The following DOCK3 variants were observed in gnomAD, a reference collection of about 807,000 sequenced individuals.
The protein encoded by DOCK3 is dedicator of cytokinesis protein 3.
In DOCK3, 60 loss-of-function variants were observed where a neutral mutation model predicts 265.6. The observed-to-expected ratio is 0.23, with a 90% CI of 0.18 to 0.28. DOCK3 has a LOEUF of 0.28. DOCK3 is among the 10% of genes least tolerant of loss of function. The pLI, the probability that DOCK3 is intolerant of heterozygous loss-of-function variation, is 1.00. For missense variants in DOCK3, 1,981 were observed against 2,594.3 expected (o/e 0.76, Z 5.14); for synonymous variants, 881 against 938.0 (o/e 0.94, Z 1.11).
At chr3:51,003,688 A>G (rs757858518) in intron 5 of DOCK3, among the ~76,000 whole-genome samples, 1 of 152,198 alleles carries the variant, frequency 6.6e-6, no homozygotes, top group African/African-American at 2.4e-5. Context: ...TTGATACAAT[A>G]AGCTGGTACA....
chr3:50,863,213 G>T (rs916469100), intron 3 of DOCK3, among the ~76,000 whole-genome samples: 1 of 152,144 alleles, frequency 6.6e-6, no homozygotes, highest in African/African-American at 2.4e-5. Flanking sequence ...GGGTATATTT[G>T]CAGGGGATCT....
intron 3 of DOCK3, among the ~76,000 whole-genome samples, chr3:50,857,821 C>T (rs908469683): frequency 2.6e-5 from 4 of 152,206 alleles, no homozygotes; most frequent in Admixed American, 2.0e-4. Context: ...TGCTTTTACA[C>T]TGTTGGTGGG....
chr3:51,222,571 G>A (rs755694087), intron 14 of DOCK3, among the ~76,000 whole-genome samples: 1 of 152,082 alleles, frequency 6.6e-6, no homozygotes, highest in East Asian at 1.9e-4. Context: ...AACCATAATC[G>A]CATAATTGCA....
intron 6 of DOCK3, among the ~76,000 whole-genome samples, chr3:51,067,049 T>C (rs6781959): frequency 0.057 from 8,700 of 152,252 alleles, 884 homozygotes; most frequent in African/African-American, 0.2. Context: ...TTTTATGTTA[T>C]GAAATTATGT....
At chr3:51,372,770 T>C (rs2087790358) in intron 49 of DOCK3, among the ~76,000 whole-genome samples, 1 of 152,204 alleles carries the variant, frequency 6.6e-6, no homozygotes, top group Admixed American at 6.5e-5. Context: ...TGGGCTGCAA[T>C]GCTCAGGAAG....
intron 2 of DOCK3, among the ~76,000 whole-genome samples, chr3:50,812,446 T>G (rs1323332752): frequency 6.6e-6 from 1 of 152,228 alleles, no homozygotes; most frequent in Non-Finnish European, 1.5e-5. Flanking sequence ...AATATTTGTT[T>G]CTATGGAAAA....
intron 1 of DOCK3, among the ~76,000 whole-genome samples, chr3:50,738,364 A>G (rs2038782373): frequency 6.6e-6 from 1 of 152,100 alleles, no homozygotes; most frequent in African/African-American, 2.4e-5. Flanking sequence ...TTCATGGGGC[A>G]GGCTTGAGGC....
At chr3:50,984,530 A>G (rs1029825162) in intron 5 of DOCK3, among the ~76,000 whole-genome samples, 1 of 152,208 alleles carries the variant, frequency 6.6e-6, no homozygotes, top group Admixed American at 6.5e-5. Context: ...TTCTTTCTGC[A>G]CTTTGAATAT....
At position 51,046,002 on chromosome 3, in the gene DOCK3, T is replaced by C. The variant is rs542948666; in HGVS notation, c.316-18446T>C. ...GCAGCACTGTAGTTTTAGTATGCAA[T>C]TGGAAGTAACATTGTTATCAGCTTA... On this transcript the variant is annotated intron_variant, in intron 5 of 52. Coordinates refer to ENST00000266037, the MANE Select transcript of DOCK3 (RefSeq NM_004947.5). Among the ~76,000 whole-genome samples the C allele has an allele frequency of 3.3e-5, 5 of 152,234 alleles. No individual in the cohort carries two copies. The South Asian group carries it at 1.0e-3, about 32-fold the overall frequency.
chr3:51,301,723 T>C (rs2082370060), intron 27 of DOCK3, among the ~76,000 whole-genome samples: 1 of 152,192 alleles, frequency 6.6e-6, no homozygotes, highest in Admixed American at 6.5e-5. Context: ...TTGTTCAATT[T>C]CAGTGTAGTT....
intron 3 of DOCK3, among the ~76,000 whole-genome samples, chr3:50,879,696 C>T (rs550357909): frequency 2.9e-4 from 44 of 152,044 alleles, no homozygotes; most frequent in Non-Finnish European, 5.7e-4. Context: ...CTTTTAACAC[C>T]CCACTGTCAA....
At chr3:51,338,044 T>C (rs1157156645) in intron 35 of DOCK3, among the ~76,000 whole-genome samples, 1 of 152,230 alleles carries the variant, frequency 6.6e-6, no homozygotes, top group African/African-American at 2.4e-5. Flanking sequence ...GGATTTGGCC[T>C]TCCACTTAAT....
At chr3:51,360,915 G>A (rs1291318107) in intron 47 of DOCK3, among the ~76,000 whole-genome samples, 1 of 152,164 alleles carries the variant, frequency 6.6e-6, no homozygotes, top group African/African-American at 2.4e-5. Context: ...GGGTGATAGG[G>A]CAAGATCTAG....
intron 26 of DOCK3, chr3:51,278,089 T>C: frequency 1.0e-6 from 1 of 985,272 alleles, no homozygotes; most frequent in South Asian, 4.7e-5. Flanking sequence ...AAAAACAGAC[T>C]ATTTCTTCTA....
intron 22 of DOCK3, among the ~76,000 whole-genome samples, chr3:51,256,163 C>G (rs1389221115): frequency 6.6e-6 from 1 of 152,200 alleles, no homozygotes; most frequent in Non-Finnish European, 1.5e-5. Flanking sequence ...CTGGTTATCA[C>G]CAGCGGAGGC....
chr3:51,248,339 C>T (rs866672707), intron 22 of DOCK3, among the ~76,000 whole-genome samples: 5 of 152,238 alleles, frequency 3.3e-5, no homozygotes, highest in Admixed American at 1.3e-4. Context: ...ATTGCAGGCG[C>T]GCGCTGCCAC....
chr3:51,348,180 T>TGGG (rs2085728404), intron 38 of DOCK3, among the ~76,000 whole-genome samples: 1 of 152,200 alleles, frequency 6.6e-6, no homozygotes, highest in Non-Finnish European at 1.5e-5. Flanking sequence ...CAGCCTTCTC[T>TGGG]CAGGCTGTTG....
intron 2 of DOCK3, among the ~76,000 whole-genome samples, chr3:50,806,163 C>T (rs1166602162): frequency 6.6e-6 from 1 of 152,084 alleles, no homozygotes; most frequent in East Asian, 1.9e-4. Flanking sequence ...GGAAATACAA[C>T]TGCCCAGCAG....
At chr3:51,067,416 A>G (rs1046481774) in intron 6 of DOCK3, among the ~76,000 whole-genome samples, 5 of 92,240 alleles carry the variant, frequency 5.4e-5, no homozygotes, top group Non-Finnish European at 8.7e-5. Flanking sequence ...CTTTTTCTCA[A>G]TGAAATATGT....
Sources: allele counts gnomAD v4.1 joint callset (sites outside exome capture counted in the v4.1 genomes callset), GRCh38; gene constraint gnomAD v4.1.1; transcripts MANE v1.5; gene names NCBI Gene and HGNC (gene_info 2026-07-23, HGNC 2026-07-21).